The following KIRREL3 variants were observed in gnomAD, a reference collection of about 807,000 sequenced individuals.
KIRREL3 encodes kin of IRRE-like protein 3.
KIRREL3 carries 36 observed loss-of-function variants against 89.7 expected under a neutral mutation model. That is an observed-to-expected ratio of 0.40 (90% CI 0.31 to 0.53). The LOEUF (loss-of-function observed/expected upper bound fraction) is 0.53, where lower values mean the gene tolerates loss of function less well. KIRREL3 is among the 20% of genes least tolerant of loss of function. The pLI is 0.49. For missense variants in KIRREL3, 864 were observed against 1,056.6 expected, an observed-to-expected ratio of 0.82 and a Z score of 2.53; for synonymous variants, 445 against 441.4, an observed-to-expected ratio of 1.01 and a Z score of -0.10.
In KIRREL3 at chr11:126,436,836, A is replaced by T. The variant is rs775091341; in HGVS notation, c.1527T>A (p.Thr509=). The change falls in exon 12 of 17, where the codon ACT becomes ACA. Residue 509 remains threonine, a synonymous_variant. Transcript: ENST00000525144. ...CTTGCTCCTTGAGCCGGATGATCTC[A>T]GTGTCGGAGCCGAAGCTGTTCCAGG... ...CTAWNSFGSD[T]EIIRLKEQGS... 5.8e-5 allele frequency: 93 copies of T among 1,613,460 alleles called. No individual in the cohort carries two copies. Among genetic ancestry groups the T allele is most frequent in the Non-Finnish European group, 7.3e-5 (86 of 1,179,858 alleles).
Position 126,425,854 on chromosome 11 carries a change from A to C in KIRREL3, c.1807-130T>G, listed in dbSNP as rs1954924429. On this transcript the variant is annotated intron_variant, in intron 15 of 16. Coordinates refer to ENST00000525144, the MANE Select transcript of KIRREL3 (RefSeq NM_032531.4). ...CCCACCACCCCTCACTGCCTGGACC[A>C]TGTGAAAGAGTCAAGATGAGTTCCT... 5 of 680,826 alleles carry C rather than the reference A, an allele frequency of 7.3e-6. No homozygotes were observed. The South Asian group carries it at 8.0e-5, about 11-fold the overall frequency. The allele number at this position is 680,826 out of a possible 1,614,324, so 42.2% of individuals were successfully genotyped here. A position where few individuals can be genotyped will look rare whatever the true frequency, so the allele number is the denominator to read the frequency against.
rs575454908 is a variant in KIRREL3, at chr11:126,462,858, C to T, written c.742+299G>A. On this transcript the variant is annotated intron_variant, in intron 6 of 16. Transcript: ENST00000525144. The surrounding 1 kb of genome is among the most constrained non-coding windows in gnomAD (Gnocchi z 4.8). ...ACTTCCCCTCCAACAGAGGGGCCAC[C>T]GGCTAGGCCAGCAGAGGCAGCAGCT... Among the ~76,000 whole-genome samples, 29 of 152,250 alleles carry T rather than the reference C, an allele frequency of 1.9e-4. No individual in the cohort carries two copies. The highest frequency in any genetic ancestry group is 1.2e-3 in the Admixed American group (18 of 15,282).
At chr11:126,958,845 A>G (rs1949000386) in intron 1 of KIRREL3, among the ~76,000 whole-genome samples, 2 of 151,974 alleles carry the variant, frequency 1.3e-5, no homozygotes, top group Admixed American at 1.3e-4. Context: ...GTGATGGTTA[A>G]TTTTATGTGT....
chr11:126,596,642 C>T (rs1001918979), intron 1 of KIRREL3, among the ~76,000 whole-genome samples: 2 of 152,246 alleles, frequency 1.3e-5, no homozygotes, highest in African/African-American at 2.4e-5. Context: ...TCCCTGACTT[C>T]TGGCAGGCAT....
rs1950768962 is a variant in KIRREL3, at chr11:126,795,244, C to T, written c.55+205211G>A. On this transcript the variant is annotated intron_variant, in intron 1 of 16. Transcript: ENST00000525144. The surrounding 1 kb of genome is among the most constrained non-coding windows in gnomAD (Gnocchi z 4.1). ...CTAATGTAAACTAGGGACTTCAATTCATAACAATGTATCTATATTGGCTTA... is the reference window on the plus strand; with the variant it reads ...CTAATGTAAACTAGGGACTTCAATTTATAACAATGTATCTATATTGGCTTA... Among the ~76,000 whole-genome samples the T allele has an allele frequency of 6.6e-6, 1 of 152,154 alleles. No homozygotes were observed. The highest frequency in any genetic ancestry group is 1.5e-5 in the Non-Finnish European group (1 of 68,034).
chr11:126,448,509 CT>C (rs1955911027), intron 8 of KIRREL3, among the ~76,000 whole-genome samples: 2 of 152,148 alleles, frequency 1.3e-5, no homozygotes, highest in Admixed American at 1.3e-4. Flanking sequence ...CCCGTCAACC[CT>C]GCAATTCGTA....
intron 8 of KIRREL3, among the ~76,000 whole-genome samples, chr11:126,447,759 A>T (rs1410159218): frequency 6.6e-6 from 1 of 152,232 alleles, no homozygotes; most frequent in East Asian, 1.9e-4. Context: ...CAGAGCCTGA[A>T]GCCTGGTGCC....
chr11:126,979,152 C>A (rs915464964), intron 1 of KIRREL3, among the ~76,000 whole-genome samples: 1 of 152,206 alleles, frequency 6.6e-6, no homozygotes, highest in South Asian at 2.1e-4. Context: ...CAAACACTCT[C>A]TTTTTGTTCC....
rs1247126328 is a variant in KIRREL3 at position 126,796,135 on chromosome 11, T to G, written c.55+204320A>C. Among the ~76,000 whole-genome samples, 1 of 151,820 alleles carries G rather than the reference T, an allele frequency of 6.6e-6. No individual in the cohort carries two copies. The highest frequency in any genetic ancestry group is 1.5e-5 in the Non-Finnish European group (1 of 67,968). On this transcript the variant is annotated intron_variant, in intron 1 of 16. Coordinates refer to ENST00000525144, the MANE Select transcript of KIRREL3 (RefSeq NM_032531.4). The surrounding 1 kb of genome is among the most constrained non-coding windows in gnomAD (Gnocchi z 5.1). ...TTTTAGTTTTGCTAATGCAATAAAG[T>G]TGGAATCCTGAACATTCTTTTCAGT...
chr11:126,923,230 TC>T (rs1279889490), intron 1 of KIRREL3, among the ~76,000 whole-genome samples: 2 of 44,108 alleles, frequency 4.5e-5, no homozygotes, highest in Non-Finnish European at 9.4e-5. Context: ...TTCTTCTTCT[TC>T]TTCTTCTTCT....
chr11:126,494,962 C>T (rs1490051880), intron 4 of KIRREL3, among the ~76,000 whole-genome samples: 1 of 152,202 alleles, frequency 6.6e-6, no homozygotes, highest in African/African-American at 2.4e-5. Context: ...CGGGGAGAAG[C>T]GGGTGAGCAG....
intron 1 of KIRREL3, among the ~76,000 whole-genome samples, chr11:126,820,739 C>T (rs540854765): frequency 2.6e-5 from 4 of 152,064 alleles, no homozygotes; most frequent in Middle Eastern, 3.4e-3. Flanking sequence ...GGAGGCAGGA[C>T]ACAGAGGCCA....
Position 126,782,329 on chromosome 11 carries a change from A to G in KIRREL3, c.55+218126T>C, listed in dbSNP as rs1950352356. The stretch of plus-strand genomic sequence containing the variant: ...GCTAAGCTGAGATTTTTTGATGTTT[A>G]TTTGTTCCTGCAGCTTTGCCTGGCT... On this transcript the variant is annotated intron_variant, in intron 1 of 16. Transcript: ENST00000525144. This position sits in a 1 kb window ranked among gnomAD's most constrained non-coding sequence, Gnocchi z 4.1. Among the ~76,000 whole-genome samples the G allele has an allele frequency of 6.6e-6, 1 of 152,202 alleles. No individual in the cohort carries two copies. Among genetic ancestry groups the G allele is most frequent in the Non-Finnish European group, 1.5e-5 (1 of 68,042 alleles).
At chr11:126,846,933 A>G (rs1298771350) in intron 1 of KIRREL3, among the ~76,000 whole-genome samples, 1 of 151,358 alleles carries the variant, frequency 6.6e-6, no homozygotes, top group African/African-American at 2.4e-5. Flanking sequence ...CAGTTTTTCC[A>G]TAAATTAAAC....
intron 1 of KIRREL3, among the ~76,000 whole-genome samples, chr11:126,973,204 C>A (rs1386073996): frequency 2.0e-5 from 3 of 149,624 alleles, no homozygotes; most frequent in African/African-American, 7.4e-5. Flanking sequence ...CCCTGGCATA[C>A]AATTCCACTC....
intron 1 of KIRREL3, among the ~76,000 whole-genome samples, chr11:126,702,865 C>T (rs771874581): frequency 9.2e-5 from 14 of 152,304 alleles, no homozygotes; most frequent in African/African-American, 1.7e-4. Context: ...CATCCTGTGC[C>T]CAAGTTGTTC....
chr11:126,594,172 A>T lies in KIRREL3; in HGVS notation c.56-31260T>A, dbSNP rs2134719999. ...CCTGAGATCTGAAGTAAGCTGTGGGACTCATCTACCTGGAGAAGAAGGCAG... is the reference window on the plus strand; with the variant it reads ...CCTGAGATCTGAAGTAAGCTGTGGGTCTCATCTACCTGGAGAAGAAGGCAG... On this transcript the variant is annotated intron_variant, in intron 1 of 16. Coordinates refer to ENST00000525144, the MANE Select transcript of KIRREL3 (RefSeq NM_032531.4). This position sits in a 1 kb window ranked among gnomAD's most constrained non-coding sequence, Gnocchi z 5.0. 6.6e-6 allele frequency among the ~76,000 whole-genome samples: 1 copy of T among 152,078 alleles called. No individual in the cohort carries two copies. Among genetic ancestry groups the T allele is most frequent in the East Asian group, 1.9e-4 (1 of 5,168 alleles).
intron 2 of KIRREL3, among the ~76,000 whole-genome samples, chr11:126,554,023 G>T (rs1026989322): frequency 3.3e-5 from 5 of 152,150 alleles, no homozygotes; most frequent in Non-Finnish European, 7.4e-5. Flanking sequence ...CACTGTCCAC[G>T]TGTTGATCGA....
chr11:126,779,456 C>T (rs962145666), intron 1 of KIRREL3, among the ~76,000 whole-genome samples: 5 of 152,170 alleles, frequency 3.3e-5, no homozygotes, highest in African/African-American at 1.2e-4. Context: ...ATGTTGACAG[C>T]CTTTTCTACT....
Sources: gnomAD v4.1 joint callset for allele counts (sites outside exome capture counted in the v4.1 genomes callset) on GRCh38, gnomAD v4.1.1 for gene constraint, Gnocchi (gnomAD v3.1) non-coding constraint, MANE v1.5 for transcripts, NCBI Gene and HGNC (gene_info 2026-07-23, HGNC 2026-07-21) for gene names.